Variants in USP34 observed in about 807,000 individuals in gnomAD.
USP34 encodes ubiquitin carboxyl-terminal hydrolase 34.
In USP34, 70 loss-of-function variants were observed where a neutral mutation model predicts 460.3. The ratio of observed to expected loss-of-function variants is 0.15; its 90% CI spans 0.13 to 0.19. The LOEUF (loss-of-function observed/expected upper bound fraction) is 0.19, where lower values mean the gene tolerates loss of function less well. Among genes scored for constraint, USP34 ranks in the 10% least tolerant of loss-of-function variants. USP34 has a pLI of 1.00. For synonymous variants in USP34, 1,647 were observed against 1,405.3 expected, an observed-to-expected ratio of 1.17 and a Z score of -3.85; for missense variants, 3,985 against 4,236.2, an observed-to-expected ratio of 0.94 and a Z score of 1.65.
At chr2:61,274,255 T>C (rs1188152952) in intron 41 of USP34, among the ~76,000 whole-genome samples, 1 of 151,872 alleles carries the variant, frequency 6.6e-6, no homozygotes, top group Admixed American at 6.6e-5. Context: ...CCAGGCATGG[T>C]GGTGCATGCC....
intron 39 of USP34, 83 bp from the exon 40 acceptor site, chr2:61,278,526 T>C: frequency 6.5e-6 from 7 of 1,080,190 alleles, no homozygotes; most frequent in East Asian, 2.7e-5. Context: ...CATTTCCTTA[T>C]AGGTAACAAT....
At chr2:61,234,496 T>A (rs1432143956) in intron 57 of USP34, among the ~76,000 whole-genome samples, 2 of 152,152 alleles carry the variant, frequency 1.3e-5, no homozygotes, top group Non-Finnish European at 2.9e-5. Context: ...GGTGAATTTT[T>A]TTTTGGCGGG....
At chr2:61,238,045 G>A (rs1399111481) in intron 53 of USP34, among the ~76,000 whole-genome samples, 2 of 151,692 alleles carry the variant, frequency 1.3e-5, no homozygotes, top group South Asian at 2.1e-4. Context: ...ACAGGTGCCC[G>A]CCACCATACC....
chr2:61,248,302 G>C (rs1205506524), intron 49 of USP34, among the ~76,000 whole-genome samples: 1 of 151,690 alleles, frequency 6.6e-6, no homozygotes. Context: ...TGTGTCTCCA[G>C]TATACAGAAG....
intron 1 of USP34, among the ~76,000 whole-genome samples, chr2:61,468,097 C>T (rs543329831): frequency 1.3e-5 from 2 of 152,234 alleles, no homozygotes; most frequent in South Asian, 2.1e-4. Flanking sequence ...CATTATCATG[C>T]TCCATCATAG....
chr2:61,352,342 T>C (rs995030709), intron 10 of USP34, among the ~76,000 whole-genome samples: 2 of 151,884 alleles, frequency 1.3e-5, no homozygotes, highest in African/African-American at 2.4e-5. Flanking sequence ...TACTAAACTA[T>C]ACACTATATG....
intron 67 of USP34, among the ~76,000 whole-genome samples, chr2:61,216,644 T>C (rs548910432): frequency 6.6e-6 from 1 of 151,614 alleles, no homozygotes; most frequent in African/African-American, 2.4e-5. Context: ...TTTGGCTGGG[T>C]ACGGTGACTC....
intron 4 of USP34, 58 bp downstream of exon 4, chr2:61,395,125 G>T: frequency 6.9e-7 from 1 of 1,449,502 alleles, no homozygotes; most frequent in East Asian, 2.3e-5. Flanking sequence ...ACATATGGAT[G>T]AGGCTTTGTT....
chr2:61,392,001 T>A (rs1693363059), intron 5 of USP34, among the ~76,000 whole-genome samples: 1 of 152,154 alleles, frequency 6.6e-6, no homozygotes, highest in Non-Finnish European at 1.5e-5. Context: ...TTTAACGGCC[T>A]CAGTTGAGTT....
Position 61,319,270 on chromosome 2 carries a change from C to T in USP34, c.3071G>A (p.Cys1024Tyr). The T allele has an allele frequency of 6.3e-7, 1 of 1,594,420 alleles. No homozygotes were observed. Among genetic ancestry groups the T allele is most frequent in the Non-Finnish European group, 8.5e-7 (1 of 1,174,228 alleles). Residue 1024 changes from cysteine to tyrosine, a missense_variant, in exon 22 of 80, where the codon TGT becomes TAT. By Grantham distance (194) the Cys-to-Tyr change is radical. Around this residue, in one of 14 missense-constraint regions of USP34, gnomAD observed 1,114 missense variants for 1,122.5 expected, o/e 0.99. Transcript: ENST00000398571. ...LWHCLVEDSE[C>Y]YDDALHWFLN... is the part of the protein sequence containing the mutation. ...AAACCAATGGAGTGCATCATCATAA[C>T]ATTCAGAATCTTCTACTAAACAATG...
intron 27 of USP34, among the ~76,000 whole-genome samples, chr2:61,305,093 A>T (rs1690360783): frequency 6.6e-6 from 1 of 152,158 alleles, no homozygotes; most frequent in South Asian, 2.1e-4. Flanking sequence ...TGGGAGGCCG[A>T]GGTGGGCCGA....
chr2:61,344,106 T>C, intron 15 of USP34, 77 bp from the exon 16 acceptor site: 1 of 1,359,864 alleles, frequency 7.4e-7, no homozygotes. Flanking sequence ...AATACCTCTC[T>C]TAAACTTACA....
intron 5 of USP34, among the ~76,000 whole-genome samples, chr2:61,386,813 TG>T (rs1558563933): frequency 6.6e-6 from 1 of 152,066 alleles, no homozygotes; most frequent in East Asian, 1.9e-4. Flanking sequence ...AAAAAAACTT[TG>T]TAAGTATCTT....
chr2:61,190,739 CAT>C (rs1686615268), intron 76 of USP34, 81 bp from the exon 77 acceptor site: 2 of 1,503,116 alleles, frequency 1.3e-6, no homozygotes, highest in South Asian at 1.3e-5. Flanking sequence ...ACAGAAAAAA[CAT>C]ACACTTGTGT....
chr2:61,409,866 A>T (rs1693987658), intron 2 of USP34, among the ~76,000 whole-genome samples: 1 of 152,200 alleles, frequency 6.6e-6, no homozygotes, highest in South Asian at 2.1e-4. Flanking sequence ...TCCAAAATAC[A>T]CAAGTTCAAA....
rs758094627 is a variant in USP34, at chr2:61,204,572, G to C, written c.9184C>G (p.Pro3062Ala). Residue 3062 changes from proline to alanine, a missense_variant, in exon 73 of 80, where the codon CCC (proline) becomes GCC (alanine). Physicochemically the swap from Pro to Ala is conservative, Grantham distance 27. Around this residue, in one of 14 missense-constraint regions of USP34, gnomAD observed 275 missense variants for 292.7 expected, o/e 0.94. Coordinates refer to ENST00000398571, the MANE Select transcript of USP34 (RefSeq NM_014709.4). ...DVLKELVLLS[P>A]HDFLHTLVPF... ...ACCAGAGTATGAAGAAAATCATGGG[G>C]ACTCAAAAGTACAAGTTCCTTGAGG... 2.5e-6 allele frequency: 4 copies of C among 1,613,950 alleles called. No individual in the cohort carries two copies. In the South Asian group the frequency reaches 3.3e-5, roughly 13 times the overall value.
At position 61,319,253 on chromosome 2, in the gene USP34, G is replaced by A; in HGVS notation, c.3088C>T (p.His1030Tyr). Residue 1030 changes from histidine to tyrosine, a missense_variant, in exon 22 of 80, where the codon CAT becomes TAT. Physicochemically the swap from His to Tyr is moderately conservative, Grantham distance 83 (BLOSUM62 2). Coordinates refer to ENST00000398571, the MANE Select transcript of USP34 (RefSeq NM_014709.4). ...CTTCGAACTTGATTTAAAAACCAAT[G>A]GAGTGCATCATCATAACATTCAGAA... Reference protein sequence around the residue: ...EDSECYDDALHWFLNQVRSKD... With the variant: ...EDSECYDDALYWFLNQVRSKD... The A allele has an allele frequency of 6.3e-7, 1 of 1,594,066 alleles. No homozygotes were observed. The highest frequency in any genetic ancestry group is 8.5e-7 in the Non-Finnish European group (1 of 1,173,824).
intron 58 of USP34, among the ~76,000 whole-genome samples, chr2:61,229,920 A>G (rs1687841372): frequency 6.6e-6 from 1 of 152,196 alleles, no homozygotes. Context: ...GCTAGTGGAG[A>G]TACAGAGAAA....
At chr2:61,397,441 T>TAA (rs35650295) in intron 3 of USP34, among the ~76,000 whole-genome samples, 3 of 131,282 alleles carry the variant, frequency 2.3e-5, no homozygotes, top group Non-Finnish European at 4.8e-5. Flanking sequence ...AGGCTCCATC[T>TAA]AAAAAAAAAA....
Sources: gnomAD v4.1 joint callset for allele counts (sites outside exome capture counted in the v4.1 genomes callset) on GRCh38, gnomAD v4.1.1 for gene constraint, gnomAD v4.1.1 regional missense constraint, MANE v1.5 for transcripts, NCBI Gene and HGNC (gene_info 2026-07-23, HGNC 2026-07-21) for gene names.